The following PDE1C variants were observed in gnomAD, a reference collection of about 807,000 sequenced individuals.
PDE1C encodes the protein phosphodiesterase 1C.
In PDE1C, 62 loss-of-function variants were observed where a neutral mutation model predicts 93.1. That is an observed-to-expected ratio of 0.67 (90% CI 0.54 to 0.82). The LOEUF is 0.82. Among genes scored for constraint, PDE1C ranks in the 40% least tolerant of loss-of-function variants. The pLI is 0.00. For missense variants in PDE1C, 742 were observed against 884.6 expected (o/e 0.84, Z 2.04); for synonymous variants, 325 against 310.1 (o/e 1.05, Z -0.50).
In PDE1C at chr7:32,297,987, CTCTCTCTCTCCTCT is replaced by C. The variant is rs1562660049; in HGVS notation, c.85+650_85+663del. On this transcript the variant is annotated intron_variant, in intron 1 of 18. Coordinates refer to the PDE1C transcript ENST00000396193. ...TCTCTCTCTCTCTCTCTCTCTCTCT[CTCTCTCTCTCCTCT>C]CTCTCTCTCTCTCTCCCTCTCTCTC... Among the ~76,000 whole-genome samples the C allele has an allele frequency of 1.9e-4, 8 of 42,320 alleles. No individual in the cohort carries two copies. In the East Asian group the frequency reaches 0.011, roughly 60 times the overall value. 27.8% of individuals were successfully genotyped at this position (42,320 alleles called of 152,430 possible). A position where few individuals can be genotyped will look rare whatever the true frequency, so the allele number is the denominator to read the frequency against.
intron 1 of PDE1C, among the ~76,000 whole-genome samples, chr7:32,054,469 G>C (rs1021104314): frequency 2.6e-5 from 4 of 152,116 alleles, no homozygotes; most frequent in Admixed American, 2.6e-4. Context: ...TAGGCCCCTT[G>C]GTCCCTAGTT....
chr7:31,913,337 T>A (rs905559425), intron 2 of PDE1C, among the ~76,000 whole-genome samples: 5 of 152,004 alleles, frequency 3.3e-5, no homozygotes, highest in African/African-American at 1.2e-4. Flanking sequence ...AGAGAAGTAA[T>A]CACCAAGATA....
Position 31,753,415 on chromosome 7 carries a change from T to C in PDE1C, c.2099A>G (p.Gln700Arg). 6.2e-7 allele frequency: 1 copy of C among 1,612,604 alleles called. No individual in the cohort carries two copies. Among genetic ancestry groups the C allele is most frequent in the Non-Finnish European group, 8.5e-7 (1 of 1,179,720 alleles). ...TCTGTTCCAGTTATGTGAGATGTTC[T>C]GAATCTTTTTCATTTTGATCCTCTG... ...LDQRIKMKKI[Q>R]NISHNWNRK The change falls in exon 18 of 18, where the codon CAG becomes CGG. Residue 700 changes from glutamine to arginine, a missense_variant. Physicochemically the swap from Gln to Arg is conservative, Grantham distance 43 (BLOSUM62 1). Around this residue, in one of 4 missense-constraint regions of PDE1C, gnomAD observed 454 missense variants for 459.4 expected, o/e 0.99. Coordinates refer to ENST00000396191, the MANE Select transcript of PDE1C (RefSeq NM_001191057.4).
intron 2 of PDE1C, among the ~76,000 whole-genome samples, chr7:31,998,913 G>A (rs1386856536): frequency 2.6e-5 from 4 of 152,168 alleles, no homozygotes; most frequent in Admixed American, 2.6e-4. Flanking sequence ...AACCAAGCAG[G>A]TCACAGCTGA....
the PDE1C span, among the ~76,000 whole-genome samples, chr7:31,714,016 T>C: frequency 6.6e-6 from 1 of 152,344 alleles, no homozygotes. Flanking sequence ...ATTTGGCTCC[T>C]CATTACTTGT....
intron 2 of PDE1C, among the ~76,000 whole-genome samples, chr7:32,012,020 T>A (rs942927132): frequency 6.6e-6 from 1 of 152,164 alleles, no homozygotes; most frequent in Admixed American, 6.5e-5. Context: ...CATTGATATA[T>A]GCAACAACAT....
chr7:32,397,942 C>A (rs887634850), intron 1 of PDE1C, among the ~76,000 whole-genome samples: 7 of 151,934 alleles, frequency 4.6e-5, no homozygotes, highest in African/African-American at 1.7e-4. Flanking sequence ...ATCATGAGGT[C>A]AGGAGATCGA....
chr7:31,908,182 C>T (rs57580534), intron 2 of PDE1C, among the ~76,000 whole-genome samples: 55,158 of 98,890 alleles, frequency 0.56, 11,227 homozygotes, highest in East Asian at 0.67. Flanking sequence ...GGCATTCAGT[C>T]ATTAGTAATA....
the PDE1C span, among the ~76,000 whole-genome samples, chr7:31,689,018 A>T: frequency 6.6e-6 from 1 of 152,236 alleles, no homozygotes; most frequent in Non-Finnish European, 1.5e-5. Context: ...TAGTGTGAAT[A>T]TTCATAGTTT....
the PDE1C span, among the ~76,000 whole-genome samples, chr7:31,641,380 T>G: frequency 1.3e-5 from 2 of 152,284 alleles, no homozygotes; most frequent in East Asian, 3.9e-4. Context: ...GCTCCTTGTA[T>G]TCTAAGGAGG....
chr7:31,979,281 C>T (rs1401963305), intron 2 of PDE1C, among the ~76,000 whole-genome samples: 2 of 152,186 alleles, frequency 1.3e-5, no homozygotes. Context: ...GGTGTTGTTA[C>T]TTACCAACCA....
chr7:31,668,203 G>T, the PDE1C span, among the ~76,000 whole-genome samples: 2 of 152,058 alleles, frequency 1.3e-5, no homozygotes, highest in African/African-American at 4.8e-5. Flanking sequence ...TAGCAAAATT[G>T]GAACCCTCTT....
chr7:31,872,923 A>G (rs1796115543), intron 6 of PDE1C, among the ~76,000 whole-genome samples: 1 of 152,098 alleles, frequency 6.6e-6, no homozygotes, highest in African/African-American at 2.4e-5. Flanking sequence ...GCAGATGTTC[A>G]CTCTGTCTCC....
At chr7:32,255,970 C>T (rs573925979) in intron 1 of PDE1C, among the ~76,000 whole-genome samples, 1 of 152,192 alleles carries the variant, frequency 6.6e-6, no homozygotes, top group Non-Finnish European at 1.5e-5. Context: ...GGATAAAGCA[C>T]TGCAGCAACT....
At chr7:32,039,242 G>A (rs1157748774) in intron 2 of PDE1C, among the ~76,000 whole-genome samples, 1 of 152,140 alleles carries the variant, frequency 6.6e-6, no homozygotes, top group East Asian at 1.9e-4. Flanking sequence ...AGTAAAGATA[G>A]TACTATTACA....
intron 1 of PDE1C, among the ~76,000 whole-genome samples, chr7:32,238,308 A>G (rs887860188): frequency 6.6e-6 from 1 of 152,240 alleles, no homozygotes; most frequent in Non-Finnish European, 1.5e-5. Context: ...CAAAACCATT[A>G]TGAAGAAACT....
At chr7:32,305,459 T>C (rs1414112062) in intron 1 of PDE1C, among the ~76,000 whole-genome samples, 1 of 152,216 alleles carries the variant, frequency 6.6e-6, no homozygotes, top group Non-Finnish European at 1.5e-5. Context: ...AAAATATTTA[T>C]TTCTAGCCCA....
At chr7:31,855,718 T>A (rs1487903509) in intron 7 of PDE1C, among the ~76,000 whole-genome samples, 3 of 84,608 alleles carry the variant, frequency 3.5e-5, no homozygotes, top group Non-Finnish European at 5.2e-5. Flanking sequence ...AAATAAAAAA[T>A]AAAAATAAAA....
At chr7:32,191,010 C>T (rs902623790) in intron 2 of PDE1C, among the ~76,000 whole-genome samples, 1 of 152,080 alleles carries the variant, frequency 6.6e-6, no homozygotes, top group East Asian at 1.9e-4. Flanking sequence ...GGGAGAGCAA[C>T]TAGTTAAATT....
Sources: gnomAD v4.1 joint callset for allele counts (sites outside exome capture counted in the v4.1 genomes callset) on GRCh38, gnomAD v4.1.1 for gene constraint, gnomAD v4.1.1 regional missense constraint, MANE v1.5 for transcripts, NCBI Gene and HGNC (gene_info 2026-07-23, HGNC 2026-07-21) for gene names.